The following ZNF445 variants were observed in gnomAD, a reference collection of about 807,000 sequenced individuals.
ZNF445 encodes zinc finger protein 168.
A neutral mutation model predicts 93.9 loss-of-function variants in ZNF445; 19 were observed. The ratio of observed to expected loss-of-function variants is 0.20; its 90% confidence interval spans 0.14 to 0.30. The LOEUF is 0.30. Ranked by LOEUF, ZNF445 falls within the 10% of genes least tolerant of loss-of-function variation. The probability of loss-of-function intolerance (pLI) is 1.00; values close to 1 mark genes in which losing one functional copy is unlikely to be tolerated. For synonymous variants in ZNF445, 449 were observed against 446.3 expected, an observed-to-expected ratio of 1.01 and a Z score of -0.08; for missense variants, 1,058 against 1,259.4, an observed-to-expected ratio of 0.84 and a Z score of 2.42.
At position 44,439,737 on chromosome 3, in the gene ZNF445, G is replaced by A. The variant is rs368237870; in HGVS notation, c.*6838C>T. ...AACTACCATCACTCAAAACTGGTTCGGATGTTGAAACTGATGACACTGCAG... is the reference window on the plus strand; with the variant it reads ...AACTACCATCACTCAAAACTGGTTCAGATGTTGAAACTGATGACACTGCAG... On this transcript the variant is annotated 3_prime_UTR_variant, in exon 8 of 8. Coordinates refer to ENST00000396077, the MANE Select transcript of ZNF445 (RefSeq NM_181489.6). The A allele has an allele frequency of 2.0e-5, 3 of 152,338 alleles. No homozygotes were observed. The highest frequency in any genetic ancestry group is 7.2e-5 in the African/African-American group (3 of 41,566). 9.4% of individuals were successfully genotyped at this position (152,338 alleles called of 1,614,324 possible).
At chr3:44,463,986 C>T (rs1044454043) in intron 1 of ZNF445, among the ~76,000 whole-genome samples, 3 of 152,056 alleles carry the variant, frequency 2.0e-5, no homozygotes, top group African/African-American at 2.4e-5. Context: ...ATTAGCCAGG[C>T]GTAGTGGTGC....
intron 5 of ZNF445, 136 bp downstream of exon 5, chr3:44,450,732 G>C: frequency 7.8e-7 from 1 of 1,277,156 alleles, no homozygotes; most frequent in Non-Finnish European, 1.1e-6. Flanking sequence ...GGCTTGAGGG[G>C]GATAATCTGG....
intron 3 of ZNF445, among the ~76,000 whole-genome samples, chr3:44,454,723 G>A (rs1221805146): frequency 6.6e-6 from 1 of 152,048 alleles, no homozygotes; most frequent in Admixed American, 6.6e-5. Context: ...ACTATGCCTG[G>A]CCTAATTTTT....
intron 1 of ZNF445, among the ~76,000 whole-genome samples, chr3:44,461,617 C>T (rs1698115212): frequency 6.6e-6 from 1 of 152,170 alleles, no homozygotes; most frequent in Non-Finnish European, 1.5e-5. Context: ...TGTGAATTAA[C>T]ATTCATAGGT....
At chr3:44,463,223 G>A (rs1195333684) in intron 1 of ZNF445, among the ~76,000 whole-genome samples, 3 of 152,076 alleles carry the variant, frequency 2.0e-5, no homozygotes, top group Non-Finnish European at 4.4e-5. Context: ...TTTTAGTAGA[G>A]ATGGGGTTTC....
rs1261517712 is a variant in ZNF445, at chr3:44,444,011, C to T, written c.*2564G>A. Reference sequence around the variant, plus strand: ...CAAAAAAATATAAAAAATTAGCTGGCAGGGTGGCACACACCTGTAGCCCCA... The same window carrying T: ...CAAAAAAATATAAAAAATTAGCTGGTAGGGTGGCACACACCTGTAGCCCCA... On this transcript the variant is annotated 3_prime_UTR_variant, in exon 8 of 8. Coordinates refer to ENST00000396077, the MANE Select transcript of ZNF445 (RefSeq NM_181489.6). 2.0e-5 allele frequency: 3 copies of T among 152,102 alleles called. No individual in the cohort carries two copies. The East Asian group carries it at 5.8e-4, about 30-fold the overall frequency. The allele number at this position is 152,102 out of a possible 1,614,324, so 9.4% of individuals were successfully genotyped here.
intron 1 of ZNF445, among the ~76,000 whole-genome samples, chr3:44,465,813 C>A (rs1698184652): frequency 6.6e-6 from 1 of 152,114 alleles, no homozygotes; most frequent in Non-Finnish European, 1.5e-5. Flanking sequence ...ACTCTGGAGG[C>A]TGAGGCAAGC....
At chr3:44,462,648 C>T (rs13323630) in intron 1 of ZNF445, among the ~76,000 whole-genome samples, 1,838 of 151,682 alleles carry the variant, frequency 0.012, 32 homozygotes, top group African/African-American at 0.043. Flanking sequence ...TTCTCTAAAC[C>T]ACCCTGGGGG....
rs1159828599 is a variant in ZNF445, at chr3:44,437,124, C to T, written c.*9451G>A. 6.6e-6 allele frequency: 1 copy of T among 152,198 alleles called. No individual in the cohort carries two copies. Among genetic ancestry groups the T allele is most frequent in the Admixed American group, 6.5e-5 (1 of 15,280 alleles). 9.4% of individuals were successfully genotyped at this position (152,198 alleles called of 1,614,324 possible). A position where few individuals can be genotyped will look rare whatever the true frequency, so the allele number is the denominator to read the frequency against. On this transcript the variant is annotated 3_prime_UTR_variant, in exon 8 of 8. Coordinates refer to ENST00000396077, the MANE Select transcript of ZNF445 (RefSeq NM_181489.6). ...TAAACAAGGGGTGGATTATTCATGCCTCCCCTCTCCAGGCCATATAGGGTA... is the reference window on the plus strand; with the variant it reads ...TAAACAAGGGGTGGATTATTCATGCTTCCCCTCTCCAGGCCATATAGGGTA...
intron 1 of ZNF445, among the ~76,000 whole-genome samples, chr3:44,473,605 T>C (rs1344724752): frequency 6.6e-6 from 1 of 151,228 alleles, no homozygotes; most frequent in Non-Finnish European, 1.5e-5. Context: ...AATACTATAC[T>C]ATTCTCCAAT....
chr3:44,469,108 G>A (rs1698232550), intron 1 of ZNF445, among the ~76,000 whole-genome samples: 1 of 150,564 alleles, frequency 6.6e-6, no homozygotes, highest in South Asian at 2.1e-4. Context: ...TACTAGAATT[G>A]TTATACATCA....
At chr3:44,476,844 G>A (rs1698365246) in intron 1 of ZNF445, among the ~76,000 whole-genome samples, 1 of 152,026 alleles carries the variant, frequency 6.6e-6, no homozygotes, top group Admixed American at 6.6e-5. Flanking sequence ...ACCATTTAGA[G>A]CTTCATGCAA....
At chr3:44,451,556 C>T (rs1488796445) in intron 3 of ZNF445, 74 bp from the exon 4 acceptor site, 1 of 1,511,016 alleles carries the variant, frequency 6.6e-7, no homozygotes, top group Admixed American at 1.8e-5. Context: ...GACCACATGA[C>T]CAATCTCTGA....
At chr3:44,473,459 A>T (rs1698300075) in intron 1 of ZNF445, among the ~76,000 whole-genome samples, 1 of 111,516 alleles carries the variant, frequency 9.0e-6, no homozygotes, top group South Asian at 5.6e-4. Flanking sequence ...CACTTCACAC[A>T]CACACACACA....
chr3:44,458,582 G>A (rs976316088), intron 1 of ZNF445, among the ~76,000 whole-genome samples: 2 of 152,038 alleles, frequency 1.3e-5, no homozygotes, highest in African/African-American at 4.8e-5. Flanking sequence ...TCCCAAAGCA[G>A]CTTTGGAACT....
intron 1 of ZNF445, among the ~76,000 whole-genome samples, chr3:44,464,570 G>A (rs928771862): frequency 6.6e-6 from 1 of 152,124 alleles, no homozygotes; most frequent in African/African-American, 2.4e-5. Flanking sequence ...AAAATAAAAT[G>A]TCTTGAAAAT....
intron 1 of ZNF445, among the ~76,000 whole-genome samples, chr3:44,472,277 A>C (rs1422258296): frequency 1.3e-5 from 2 of 152,252 alleles, no homozygotes; most frequent in African/African-American, 4.8e-5. Flanking sequence ...TAGCTCCAAA[A>C]ATAAGTCTCC....
Position 44,438,440 on chromosome 3 carries a change from G to A in ZNF445, c.*8135C>T, listed in dbSNP as rs1697733743. The A allele has an allele frequency of 6.6e-6, 1 of 152,002 alleles. No homozygotes were observed. The highest frequency in any genetic ancestry group is 2.4e-5 in the African/African-American group (1 of 41,356). 9.4% of individuals were successfully genotyped at this position (152,002 alleles called of 1,614,324 possible). ...GCCTCCCGAGTAGCTGGGACTACAG[G>A]CGCCCGCTGCCACGCCCGGTTAATT... On this transcript the variant is annotated 3_prime_UTR_variant, in exon 8 of 8. Coordinates refer to ENST00000396077, the MANE Select transcript of ZNF445 (RefSeq NM_181489.6).
intron 2 of ZNF445, among the ~76,000 whole-genome samples, 197 bp downstream of exon 2, chr3:44,458,047 G>A (rs796070605): frequency 3.4e-5 from 5 of 145,338 alleles, no homozygotes; most frequent in African/African-American, 5.1e-5. Flanking sequence ...AGACTTAAAC[G>A]TAAGCCATAA....
Sources: allele counts gnomAD v4.1 joint callset (sites outside exome capture counted in the v4.1 genomes callset), GRCh38; gene constraint gnomAD v4.1.1; transcripts MANE v1.5; gene names NCBI Gene and HGNC (gene_info 2026-07-23, HGNC 2026-07-21).